Variants in MBNL1 observed in about 807,000 individuals in gnomAD.
The protein encoded by MBNL1 is muscleblind like splicing regulator 1, also known as muscleblind-like protein 1.
Under a neutral mutation model 42.2 loss-of-function variants are expected in MBNL1, and 8 were observed. That is an observed-to-expected ratio of 0.19 (90% CI 0.11 to 0.34). The LOEUF (loss-of-function observed/expected upper bound fraction) is 0.34, where lower values mean the gene tolerates loss of function less well. Ranked by LOEUF, MBNL1 falls within the 10% of genes least tolerant of loss-of-function variation. The pLI, the probability that MBNL1 is intolerant of heterozygous loss-of-function variation, is 1.00. For synonymous variants in MBNL1, 169 were observed against 173.9 expected (o/e 0.97, Z 0.22); for missense variants, 309 against 495.3 (o/e 0.62, Z 3.57).
intron 2 of MBNL1, among the ~76,000 whole-genome samples, chr3:152,385,329 T>C (rs17370267): frequency 0.071 from 10,827 of 152,116 alleles, 511 homozygotes; most frequent in Middle Eastern, 0.16. Flanking sequence ...CCACAGGGTA[T>C]AGAGAAAGGA....
At chr3:152,422,158 C>G (rs2153693120) in intron 3 of MBNL1, among the ~76,000 whole-genome samples, 1 of 151,488 alleles carries the variant, frequency 6.6e-6, no homozygotes, top group African/African-American at 2.4e-5. Flanking sequence ...GAGTCAAGAC[C>G]CATCAGTGTG....
chr3:152,311,363 A>G (rs939621700), intron 2 of MBNL1, among the ~76,000 whole-genome samples: 2 of 152,152 alleles, frequency 1.3e-5, no homozygotes, highest in African/African-American at 4.8e-5. Context: ...GCATTTATTT[A>G]TATTATATTG....
intron 2 of MBNL1, among the ~76,000 whole-genome samples, chr3:152,311,409 T>C (rs928481137): frequency 1.3e-5 from 2 of 152,182 alleles, no homozygotes; most frequent in Non-Finnish European, 2.9e-5. Context: ...GAAATATGCT[T>C]AAAAACCTTT....
At chr3:152,266,982 A>G (rs529936336), upstream of MBNL1, 1 of 152,246 alleles carries the variant, frequency 6.6e-6, no homozygotes, top group Non-Finnish European at 1.5e-5. Context: ...AGATCAACAC[A>G]GACCTACTTT....
rs528049181 is a variant in MBNL1, at chr3:152,332,785, A to T, written c.174+32418A>T. Among the ~76,000 whole-genome samples, 251 of 151,826 alleles carry T rather than the reference A, an allele frequency of 1.7e-3. 1 individual carries two copies. The Middle Eastern group carries it at 0.021, about 13-fold the overall frequency. On this transcript the variant is annotated intron_variant, in intron 2 of 9. Coordinates refer to ENST00000324210, the MANE Select transcript of MBNL1 (RefSeq NM_021038.5). ...ACTAGTTTATATTAGGTTAGAGTTT[A>T]AAAAAAGCTGAAGATAGCCAAAATT... is the stretch of plus-strand genomic sequence containing the variant.
Position 152,432,860 on chromosome 3 carries a change from C to T in MBNL1, c.489C>T (p.Val163=), listed in dbSNP as rs375891857. The T allele has an allele frequency of 6.3e-5, 102 of 1,613,982 alleles. No homozygotes were observed. Among genetic ancestry groups the T allele is most frequent in the Non-Finnish European group, 8.3e-5 (98 of 1,179,986 alleles). Residue 163 remains valine (V), a synonymous_variant, in exon 4 of 10, where the codon GTC becomes GTT. Coordinates refer to ENST00000324210, the MANE Select transcript of MBNL1 (RefSeq NM_021038.5). The stretch of plus-strand genomic sequence containing the variant: ...TGTTGGTTACAGGGAATCCGGGTGT[C>T]CCTGTACCTGCAGCTGCTGCAGCTG... ...APMLVTGNPG[V]PVPAAAAAAA...
At position 152,463,897 on chromosome 3, in the gene MBNL1, C is replaced by G. The variant is rs766678090; in HGVS notation, c.*1531C>G. The G allele has an allele frequency of 6.6e-6, 1 of 152,468 alleles. No homozygotes were observed. The highest frequency in any genetic ancestry group is 1.5e-5 in the Non-Finnish European group (1 of 67,948). The allele number at this position is 152,468 out of a possible 1,614,324, so 9.4% of individuals were successfully genotyped here. ...TTCAGTTATAGAACTTTCCATACTT[C>G]CAAGTTTACTGCAAGTTTTTATGCT... On this transcript the variant is annotated 3_prime_UTR_variant, in exon 10 of 10. Transcript: ENST00000324210.
At chr3:152,404,766 A>T (rs907996426) in intron 2 of MBNL1, among the ~76,000 whole-genome samples, 7 of 149,102 alleles carry the variant, frequency 4.7e-5, no homozygotes, top group Non-Finnish European at 8.9e-5. Flanking sequence ...AAATTATTTT[A>T]TATCTAAATA....
At chr3:152,344,096 T>G (rs2093819063) in intron 2 of MBNL1, among the ~76,000 whole-genome samples, 1 of 152,124 alleles carries the variant, frequency 6.6e-6, no homozygotes, top group African/African-American at 2.4e-5. Flanking sequence ...ACTTTGAGGT[T>G]TGTTTTTTAA....
At chr3:152,443,986 A>G (rs533144587) in intron 4 of MBNL1, among the ~76,000 whole-genome samples, 1 of 152,280 alleles carries the variant, frequency 6.6e-6, no homozygotes, top group African/African-American at 2.4e-5. Context: ...TATGAATATA[A>G]TGTGGGAAAA....
chr3:152,406,866 C>T (rs1246736634), intron 2 of MBNL1, among the ~76,000 whole-genome samples: 1 of 152,086 alleles, frequency 6.6e-6, no homozygotes, highest in Non-Finnish European at 1.5e-5. Context: ...AACCTAAAAT[C>T]CCATTTGTGA....
chr3:152,442,052 C>CA (rs2099152459), intron 4 of MBNL1, among the ~76,000 whole-genome samples: 1 of 152,172 alleles, frequency 6.6e-6, no homozygotes, highest in African/African-American at 2.4e-5. Context: ...CTCAGCCTCC[C>CA]AAAGTACTGG....
At chr3:152,335,815 A>C (rs2089589012) in intron 2 of MBNL1, among the ~76,000 whole-genome samples, 1 of 152,198 alleles carries the variant, frequency 6.6e-6, no homozygotes, top group Non-Finnish European at 1.5e-5. Context: ...TAGGTATCCC[A>C]TAAAAACGGT....
intron 6 of MBNL1, chr3:152,449,490 A>G (rs1717384273): frequency 6.6e-6 from 1 of 152,206 alleles, no homozygotes; most frequent in African/African-American, 2.4e-5. Flanking sequence ...AGTTTTTTCA[A>G]CAACTCTCAA....
chr3:152,387,023 G>A (rs2097463007), intron 2 of MBNL1, among the ~76,000 whole-genome samples: 1 of 152,082 alleles, frequency 6.6e-6, no homozygotes, highest in African/African-American at 2.4e-5. Context: ...AGACACAACA[G>A]GCCAATGCAG....
intron 6 of MBNL1, among the ~76,000 whole-genome samples, chr3:152,450,622 G>A (rs142613105): frequency 2.0e-5 from 3 of 152,312 alleles, no homozygotes; most frequent in African/African-American, 7.2e-5. Flanking sequence ...TTGTCTGCCT[G>A]GCAGGTTGTA....
upstream of MBNL1, chr3:152,267,165 T>C (rs2149580334): frequency 6.5e-6 from 1 of 152,982 alleles, no homozygotes; most frequent in Non-Finnish European, 1.5e-5. Flanking sequence ...CCTCCCTCCA[T>C]GGCCTCCCAA....
At chr3:152,398,130 T>C (rs1001480523) in intron 2 of MBNL1, among the ~76,000 whole-genome samples, 1 of 152,192 alleles carries the variant, frequency 6.6e-6, no homozygotes, top group African/African-American at 2.4e-5. Flanking sequence ...TTTTAAATTA[T>C]AGTTAAGTGC....
upstream of MBNL1, chr3:152,268,024 T>C (rs2149595490): frequency 6.6e-6 from 1 of 152,322 alleles, no homozygotes; most frequent in East Asian, 1.9e-4. Flanking sequence ...TTCTTTCCAT[T>C]CAAAGCAAAG....
Sources: allele counts gnomAD v4.1 joint callset (sites outside exome capture counted in the v4.1 genomes callset), GRCh38; gene constraint gnomAD v4.1.1; transcripts MANE v1.5; gene names NCBI Gene and HGNC (gene_info 2026-07-23, HGNC 2026-07-21).